MGST1: variants seen among roughly 807,000 people sequenced by gnomAD.
MGST1 encodes glutathione S-transferase 12.
In MGST1, 5 loss-of-function variants were observed where a neutral mutation model predicts 8.9. That is an observed-to-expected ratio of 0.56 (90% CI 0.29 to 1.19). The LOEUF is 1.19. MGST1 is among the 50% of genes most tolerant of loss of function. The pLI is 0.08. For synonymous variants in MGST1, 54 were observed against 67.8 expected, an observed-to-expected ratio of 0.80 and a Z score of 1.00; for missense variants, 182 against 187.4, an observed-to-expected ratio of 0.97 and a Z score of 0.17.
chr12:16,356,879 CCTTTGG>C (rs2136950756), intron 2 of MGST1, among the ~76,000 whole-genome samples: 1 of 152,326 alleles, frequency 6.6e-6, no homozygotes, highest in East Asian at 1.9e-4. Flanking sequence ...TTCTCTAAAA[CCTTTGG>C]CAGGTAAACA....
At chr12:16,511,902 A>G (rs1941579571) in intron 4 of MGST1, among the ~76,000 whole-genome samples, 2 of 152,120 alleles carry the variant, frequency 1.3e-5, no homozygotes, top group African/African-American at 4.8e-5. Context: ...TTCTCTTGTT[A>G]TCTATACCCT....
Position 16,546,542 on chromosome 12 carries a change from G to A in MGST1, n.483-42986G>A, listed in dbSNP as rs141059261. Among the ~76,000 whole-genome samples the A allele has an allele frequency of 6.0e-4, 92 of 152,168 alleles. 1 individual carries two copies. Among genetic ancestry groups the A allele is most frequent in the East Asian group, 3.7e-3 (19 of 5,182 alleles). On this transcript the variant is annotated intron_variant and non_coding_transcript_variant, in intron 4 of 4. Coordinates refer to the MGST1 transcript ENST00000538857. This position sits in a 1 kb window ranked among gnomAD's most constrained non-coding sequence, Gnocchi z 4.7. ...ATTTTGTGCATTACGTGATCTGCACGCCCAAAACAGGAGTATCTTTGAATT... is the reference window on the plus strand; with the variant it reads ...ATTTTGTGCATTACGTGATCTGCACACCCAAAACAGGAGTATCTTTGAATT...
At chr12:16,534,946 C>T (rs1177532640) in intron 4 of MGST1, among the ~76,000 whole-genome samples, 4 of 152,108 alleles carry the variant, frequency 2.6e-5, no homozygotes, top group Admixed American at 1.3e-4. Flanking sequence ...AGATGGTTCT[C>T]GGGTGCTGCT....
chr12:16,392,483 G>A (rs1351700763), intron 1 of MGST1, among the ~76,000 whole-genome samples: 1 of 152,158 alleles, frequency 6.6e-6, no homozygotes, highest in East Asian at 1.9e-4. Context: ...CTGGAAGAAT[G>A]TTCCCCAGGC....
intron 4 of MGST1, among the ~76,000 whole-genome samples, chr12:16,579,015 T>A (rs761765375): frequency 1.3e-5 from 2 of 152,292 alleles, no homozygotes; most frequent in African/African-American, 4.8e-5. Flanking sequence ...TTGTACACAC[T>A]CTTGACAGAC....
chr12:16,549,963 TGA>T (rs1201691396), intron 4 of MGST1: 1 of 152,058 alleles, frequency 6.6e-6, no homozygotes, highest in African/African-American at 2.4e-5. Flanking sequence ...CTTAAAACAA[TGA>T]GAGAGTAAAA....
intron 4 of MGST1, among the ~76,000 whole-genome samples, chr12:16,444,258 A>G (rs1941062591): frequency 6.7e-6 from 1 of 149,444 alleles, no homozygotes; most frequent in South Asian, 2.1e-4. Flanking sequence ...GTGGGTATTA[A>G]GTTATAAAGC....
At chr12:16,370,005 C>G (rs1940264998) in intron 3 of MGST1, 1 of 152,138 alleles carries the variant, frequency 6.6e-6, no homozygotes, top group South Asian at 2.1e-4. Context: ...AAGATTTAGG[C>G]CACTTATACA....
At chr12:16,532,658 G>A (rs766653020) in intron 4 of MGST1, among the ~76,000 whole-genome samples, 9 of 152,092 alleles carry the variant, frequency 5.9e-5, no homozygotes, top group Non-Finnish European at 1.3e-4. Context: ...CAAAGCGTTC[G>A]TCTCTATCCC....
At chr12:16,476,820 G>T (rs749313775) in intron 4 of MGST1, among the ~76,000 whole-genome samples, 16 of 152,180 alleles carry the variant, frequency 1.1e-4, no homozygotes, top group Non-Finnish European at 2.4e-4. Flanking sequence ...ACTGACAGGG[G>T]TCGAGGTAAT....
chr12:16,469,079 G>A (rs1941274282), intron 4 of MGST1, among the ~76,000 whole-genome samples: 1 of 151,878 alleles, frequency 6.6e-6, no homozygotes, highest in Non-Finnish European at 1.5e-5. Context: ...TGAGAAAACA[G>A]AGTTCCATTT....
chr12:16,393,957 A>T (rs184555961), intron 1 of MGST1, among the ~76,000 whole-genome samples: 1 of 152,224 alleles, frequency 6.6e-6, no homozygotes, highest in Admixed American at 6.5e-5. Context: ...AGTTTTTGCT[A>T]TTATAAATAA....
intron 1 of MGST1, chr12:16,348,789 A>G (rs1939314879): frequency 8.5e-6 from 1 of 117,662 alleles, no homozygotes; most frequent in African/African-American, 3.2e-5. Context: ...GTGTGCGATT[A>G]TCTTTGGTAA....
chr12:16,481,142 C>T (rs1232223794), intron 4 of MGST1, among the ~76,000 whole-genome samples: 1 of 151,812 alleles, frequency 6.6e-6, no homozygotes, highest in East Asian at 1.9e-4. Context: ...AACAAACAAA[C>T]AAAAAAAGCC....
chr12:16,500,360 A>G lies in MGST1; in HGVS notation n.483-89168A>G, dbSNP rs116580359. Among the ~76,000 whole-genome samples, 187 of 152,348 alleles carry G rather than the reference A, an allele frequency of 1.2e-3. No homozygotes were observed. The highest frequency in any genetic ancestry group is 4.2e-3 in the African/African-American group (176 of 41,592). On this transcript the variant is annotated intron_variant and non_coding_transcript_variant, in intron 4 of 4. Transcript: ENST00000538857. The surrounding 1 kb of genome is among the most constrained non-coding windows in gnomAD (Gnocchi z 4.3). ...ATAAACTGGAAAAAGAGAGGTTCTT[A>G]TTATAACAACAGCTATTCCCAACCT...
At chr12:16,485,571 A>G (rs867539161) in intron 4 of MGST1, among the ~76,000 whole-genome samples, 1 of 152,242 alleles carries the variant, frequency 6.6e-6, no homozygotes, top group Admixed American at 6.5e-5. Flanking sequence ...GACATTATGT[A>G]TTCAAATATT....
At chr12:16,377,276 C>T (rs1940396727), downstream of MGST1, 2 of 148,282 alleles carry the variant, frequency 1.3e-5, no homozygotes, top group Admixed American at 1.3e-4. Context: ...AGGTATATCT[C>T]CTAGTGCTAT....
At position 16,401,744 on chromosome 12, in the gene MGST1, T is replaced by C; in HGVS notation, n.778+18140T>C. 3 of 1,600,174 alleles carry C rather than the reference T, an allele frequency of 1.9e-6. No homozygotes were observed. Among genetic ancestry groups the C allele is most frequent in the Non-Finnish European group, 2.6e-6 (3 of 1,167,308 alleles). ...CTGCCCCAGCAAGGTATTTTTTCTCTTCAACGGCCTTTTCCACAGACTCAG... is the reference window on the plus strand; with the variant it reads ...CTGCCCCAGCAAGGTATTTTTTCTCCTCAACGGCCTTTTCCACAGACTCAG... On this transcript the variant is annotated intron_variant and non_coding_transcript_variant, in intron 1 of 1. Transcript: ENST00000359720. This position sits in a 1 kb window ranked among gnomAD's most constrained non-coding sequence, Gnocchi z 4.3.
At chr12:16,442,447 G>A (rs1941046612), downstream of MGST1, among the ~76,000 whole-genome samples, 1 of 151,758 alleles carries the variant, frequency 6.6e-6, no homozygotes, top group South Asian at 2.1e-4. The surrounding 1 kb of genome is among the most constrained non-coding windows in gnomAD (Gnocchi z 4.5). Context: ...ACAGCTTTGT[G>A]GTTTACATTT....
Sources: allele counts gnomAD v4.1 joint callset (sites outside exome capture counted in the v4.1 genomes callset), GRCh38; gene constraint gnomAD v4.1.1; non-coding constraint Gnocchi (gnomAD v3.1); transcripts MANE v1.5; gene names NCBI Gene and HGNC (gene_info 2026-07-23, HGNC 2026-07-21).